F11: variants seen among roughly 807,000 people sequenced by gnomAD.
F11 encodes the protein coagulation factor XI.
F11 carries 78 observed loss-of-function variants against 76.5 expected under a neutral mutation model. That is an observed-to-expected ratio of 1.02 (90% CI 0.85 to 1.23). The LOEUF (loss-of-function observed/expected upper bound fraction) is 1.23. Among genes scored for constraint, F11 ranks in the 50% most tolerant of loss-of-function variants. F11 has a pLI of 0.00. For synonymous variants in F11, 278 were observed against 276.3 expected, an observed-to-expected ratio of 1.01 and a Z score of -0.06; for missense variants, 742 against 771.4, an observed-to-expected ratio of 0.96 and a Z score of 0.45.
At chr4:186,274,299 A>G (rs1302443024) in intron 5 of F11, 24 bp downstream of exon 5, 2 of 1,614,044 alleles carry the variant, frequency 1.2e-6, no homozygotes, top group Admixed American at 3.3e-5. Flanking sequence ...AGGACATTCG[A>G]GTGGTCGATG....
intron 10 of F11, chr4:186,282,410 T>C: frequency 6.1e-6 from 6 of 985,440 alleles, no homozygotes; most frequent in Non-Finnish European, 6.0e-6. Flanking sequence ...AATAACCCCC[T>C]AATGTGAAAG....
intron 2 of F11, among the ~76,000 whole-genome samples, chr4:186,271,122 T>C (rs1017541626): frequency 1.3e-5 from 2 of 152,184 alleles, no homozygotes; most frequent in Non-Finnish European, 2.9e-5. Context: ...ACGGTGGGGT[T>C]TCCAAATTAT....
chr4:186,274,074 T>G, intron 4 of F11, 42 bp from the exon 5 acceptor site: 1 of 1,613,118 alleles, frequency 6.2e-7, no homozygotes, highest in Non-Finnish European at 8.5e-7. Flanking sequence ...TCATTGCCCC[T>G]AGAATCTGGA....
chr4:186,268,348 G>A (rs991564602), intron 2 of F11, among the ~76,000 whole-genome samples: 1 of 152,146 alleles, frequency 6.6e-6, no homozygotes, highest in Non-Finnish European at 1.5e-5. Flanking sequence ...AGCGTTCATG[G>A]ATTTTGGTAT....
intron 6 of F11, among the ~76,000 whole-genome samples, 167 bp downstream of exon 6, chr4:186,276,063 T>G (rs544310776): frequency 5.9e-5 from 9 of 152,302 alleles, no homozygotes; most frequent in Admixed American, 3.3e-4. Context: ...GATCCTCTAT[T>G]TAAATTTCCA....
At chr4:186,274,384 G>T (rs1740215844) in intron 5 of F11, 109 bp downstream of exon 5, 25 of 1,391,140 alleles carry the variant, frequency 1.8e-5, no homozygotes, top group Non-Finnish European at 2.3e-5. Flanking sequence ...ACCCCTAAAA[G>T]ACATTTCTAT....
chr4:186,282,055 G>A (rs762929057), intron 10 of F11: 79 of 1,246,790 alleles, frequency 6.3e-5, no homozygotes, highest in Non-Finnish European at 7.8e-5. Flanking sequence ...AGACAAGAAG[G>A]AGCATTCGGC....
chr4:186,285,626 T>C lies in F11; in HGVS notation c.1305-12T>C, dbSNP rs1404338115. Reference sequence around the variant, plus strand: ...AAAGGAAATTTCTTTCCCTCTGTTGTTTGCTCCTTAGGGTAGAGTCACCTA... The same window carrying C: ...AAAGGAAATTTCTTTCCCTCTGTTGCTTGCTCCTTAGGGTAGAGTCACCTA... On this transcript the variant is annotated splice_polypyrimidine_tract_variant and intron_variant, in intron 11 of 14. Transcript: ENST00000403665. 1.2e-6 allele frequency: 2 copies of C among 1,613,734 alleles called. No individual in the cohort carries two copies. Among genetic ancestry groups the C allele is most frequent in the Admixed American group, 1.7e-5 (1 of 60,012 alleles).
intron 4 of F11, among the ~76,000 whole-genome samples, chr4:186,273,913 C>T (rs1740170175): frequency 6.6e-6 from 1 of 152,182 alleles, no homozygotes; most frequent in South Asian, 2.1e-4. Context: ...ATTTACAAGT[C>T]TAAAATTGTT....
At chr4:186,271,836 A>G in intron 3 of F11, 65 bp downstream of exon 3, 1 of 1,515,326 alleles carries the variant, frequency 6.6e-7, no homozygotes, top group South Asian at 1.1e-5. Flanking sequence ...TTCTTAACAC[A>G]TTTCCATCTA....
rs983731302 is a variant in F11, at chr4:186,287,479, G to A, written c.1577-205G>A. ...TGTGCCTGTAATCCCAGCTACTCGG[G>A]AGGCTGAGGCAAGATAATCGCTTGA... is the stretch of plus-strand genomic sequence containing the variant. On this transcript the variant is annotated intron_variant, in intron 13 of 14. Coordinates refer to ENST00000403665, the MANE Select transcript of F11 (RefSeq NM_000128.4). The A allele has an allele frequency of 9.5e-5, 17 of 178,642 alleles. No homozygotes were observed. In the East Asian group the frequency reaches 1.1e-3, roughly 12 times the overall value. 11.1% of individuals were successfully genotyped at this position (178,642 alleles called of 1,614,324 possible).
chr4:186,281,791 G>A (rs1291933149), intron 10 of F11: 28 of 902,396 alleles, frequency 3.1e-5, no homozygotes, highest in Non-Finnish European at 3.9e-5. Context: ...AGTTTTAGAA[G>A]CACAAAAACA....
intron 12 of F11, 108 bp from the exon 13 acceptor site, chr4:186,286,307 T>C (rs1741204063): frequency 9.2e-7 from 1 of 1,088,102 alleles, no homozygotes. Flanking sequence ...AAAAAATGAA[T>C]ATAGTAAACA....
intron 7 of F11, among the ~76,000 whole-genome samples, chr4:186,279,346 C>T (rs1328104730): frequency 1.3e-5 from 2 of 151,782 alleles, no homozygotes; most frequent in Middle Eastern, 3.4e-3. Flanking sequence ...CGCGACACTG[C>T]ACTCCAGCCT....
chr4:186,288,204 G>A (rs1009053438), intron 14 of F11, among the ~76,000 whole-genome samples: 2 of 152,026 alleles, frequency 1.3e-5, no homozygotes, highest in Non-Finnish European at 2.9e-5. Flanking sequence ...GAGCCACCGC[G>A]CCGGGCCGCT....
chr4:186,274,532 C>T, intron 5 of F11: 1 of 495,136 alleles, frequency 2.0e-6, no homozygotes, highest in South Asian at 2.2e-5. Flanking sequence ...AAGCGCTACA[C>T]TTTTAAATTG....
chr4:186,270,501 T>C (rs976526449), intron 2 of F11, among the ~76,000 whole-genome samples: 2 of 152,108 alleles, frequency 1.3e-5, no homozygotes, highest in African/African-American at 4.8e-5. Context: ...ATCACCCAAG[T>C]AGTGAACACA....
chr4:186,282,601 G>A (rs1037261623), intron 10 of F11: 2 of 985,262 alleles, frequency 2.0e-6, no homozygotes, highest in Non-Finnish European at 2.4e-6. Flanking sequence ...TGAACCTCAA[G>A]GCCTCTCACC....
chr4:186,283,843 T>C (rs1280036636), intron 10 of F11, among the ~76,000 whole-genome samples: 2 of 152,094 alleles, frequency 1.3e-5, no homozygotes, highest in African/African-American at 4.8e-5. Flanking sequence ...TGAAGGAGGG[T>C]AAGACAGCCT....
Sources: gnomAD v4.1 joint callset for allele counts (sites outside exome capture counted in the v4.1 genomes callset) on GRCh38, gnomAD v4.1.1 for gene constraint, MANE v1.5 for transcripts, NCBI Gene and HGNC (gene_info 2026-07-23, HGNC 2026-07-21) for gene names.